Variants in XKR9 observed in about 807,000 individuals in gnomAD.
The protein encoded by XKR9 is XK-related protein 9.
In XKR9, 32 loss-of-function variants were observed where a neutral mutation model predicts 32.0. That is an observed-to-expected ratio of 1.00 (90% CI 0.76 to 1.34). The LOEUF (loss-of-function observed/expected upper bound fraction) is 1.34. Among genes scored for constraint, XKR9 ranks in the 40% most tolerant of loss-of-function variants. The pLI, the probability that XKR9 is intolerant of heterozygous loss-of-function variation, is 0.00. For missense variants in XKR9, 546 were observed against 429.7 expected, an observed-to-expected ratio of 1.27 and a Z score of -2.39; for synonymous variants, 168 against 143.4, an observed-to-expected ratio of 1.17 and a Z score of -1.22.
chr8:70,758,874 G>A (rs1807266854), intron 2 of XKR9, among the ~76,000 whole-genome samples: 1 of 152,124 alleles, frequency 6.6e-6, no homozygotes, highest in African/African-American at 2.4e-5. Flanking sequence ...TACCATACTG[G>A]CCCTTTACAT....
the XKR9 span, among the ~76,000 whole-genome samples, chr8:70,957,005 C>G: frequency 6.6e-6 from 1 of 152,200 alleles, no homozygotes; most frequent in East Asian, 1.9e-4. Context: ...GTTCCCTGCC[C>G]CCATTGGTTC....
chr8:71,041,716 G>A, the XKR9 span, among the ~76,000 whole-genome samples: 15 of 152,046 alleles, frequency 9.9e-5, no homozygotes, highest in African/African-American at 3.6e-4. Flanking sequence ...AAAAGTGTCA[G>A]TTTCCCTGGA....
In XKR9 at chr8:70,776,945, C is replaced by CTATATATATATATA. The variant is rs1393735829; in HGVS notation, n.353-12393_353-12392insATATATATATATAT. Among the ~76,000 whole-genome samples, 9 of 62,516 alleles carry CTATATATATATATA rather than the reference C, an allele frequency of 1.4e-4. No homozygotes were observed. In the East Asian group the frequency reaches 2.4e-3, roughly 16 times the overall value. The allele number at this position is 62,516 out of a possible 152,430, so 41.0% of individuals were successfully genotyped here. ...TCTTTCTCTCTCTCTCTCTCTCTCT[C>CTATATATATATATA]TCTATATATATATATATATGTATGT... On this transcript the variant is annotated intron_variant and non_coding_transcript_variant, in intron 2 of 3. Coordinates refer to the XKR9 transcript ENST00000520273.
At chr8:70,885,992 C>T in the XKR9 span, among the ~76,000 whole-genome samples, 2 of 152,080 alleles carry the variant, frequency 1.3e-5, 1 homozygote, top group South Asian at 4.1e-4. Flanking sequence ...CTGCACCCGT[C>T]AACCCATCAC....
At chr8:70,982,871 C>CA in the XKR9 span, among the ~76,000 whole-genome samples, 1 of 152,160 alleles carries the variant, frequency 6.6e-6, no homozygotes, top group Non-Finnish European at 1.5e-5. Flanking sequence ...GTTTTGAGAA[C>CA]ATTTTCTAAG....
chr8:70,878,785 C>G, the XKR9 span, among the ~76,000 whole-genome samples: 16 of 152,246 alleles, frequency 1.1e-4, no homozygotes, highest in African/African-American at 2.9e-4. Flanking sequence ...GAATTGAACT[C>G]AACTCTGCAC....
downstream of XKR9, chr8:70,790,466 C>G (rs1296420982): frequency 6.6e-6 from 1 of 151,928 alleles, no homozygotes; most frequent in Non-Finnish European, 1.5e-5. Flanking sequence ...GAGTTCATAC[C>G]TTGAAATGCT....
At chr8:71,036,996 G>C in the XKR9 span, among the ~76,000 whole-genome samples, 18 of 151,552 alleles carry the variant, frequency 1.2e-4, no homozygotes, top group Admixed American at 2.0e-4. Context: ...TTCTAGGCAT[G>C]AGCCACCACG....
chr8:71,000,199 G>A, the XKR9 span, among the ~76,000 whole-genome samples: 1 of 152,196 alleles, frequency 6.6e-6, no homozygotes, highest in Admixed American at 6.5e-5. Flanking sequence ...AAGCTCTAGA[G>A]ACAAAATGAT....
At chr8:71,064,812 A>T in the XKR9 span, among the ~76,000 whole-genome samples, 1 of 152,150 alleles carries the variant, frequency 6.6e-6, no homozygotes, top group African/African-American at 2.4e-5. Flanking sequence ...AAGAATTGCA[A>T]TATTAGACTT....
chr8:70,746,751 G>A (rs1045719028), intron 2 of XKR9, among the ~76,000 whole-genome samples: 1 of 151,416 alleles, frequency 6.6e-6, no homozygotes, highest in Non-Finnish European at 1.5e-5. Context: ...CCCCAATATG[G>A]CAGTATTGAG....
At chr8:70,897,755 C>G in the XKR9 span, among the ~76,000 whole-genome samples, 1 of 151,960 alleles carries the variant, frequency 6.6e-6, no homozygotes, top group African/African-American at 2.4e-5. Flanking sequence ...GTTGTTTGAG[C>G]TATTCTGGTT....
chr8:71,033,374 G>T, the XKR9 span, among the ~76,000 whole-genome samples: 1 of 152,126 alleles, frequency 6.6e-6, no homozygotes, highest in Non-Finnish European at 1.5e-5. Context: ...GATAGTCCTA[G>T]GAATTCATAG....
Position 70,734,048 on chromosome 8 carries a change from A to G in XKR9, c.746A>G (p.Asn249Ser), listed in dbSNP as rs573976291. 5.6e-5 allele frequency: 91 copies of G among 1,613,442 alleles called. No individual in the cohort carries two copies. In the South Asian group the frequency reaches 9.0e-4, roughly 16 times the overall value. The change falls in exon 5 of 5, where the codon AAC becomes AGC. Residue 249 changes from asparagine to serine, a missense_variant. By Grantham distance (46) the Asn-to-Ser change is conservative (BLOSUM62 1). Transcript: ENST00000408926. ...TTAGGTATAATATGGGCATTTAAAA[A>G]CAACACCCAGTTTTGTACTTGTATA... ...WLLGIIWAFK[N>S]NTQFCTCISM...
intron 3 of XKR9, 69 bp from the exon 4 acceptor site, chr8:70,706,863 AT>A (rs1554547779): frequency 8.5e-7 from 1 of 1,174,864 alleles, no homozygotes. Context: ...TTTCCAAATT[AT>A]TATGTGTATT....
chr8:70,835,522 A>G, the XKR9 span, among the ~76,000 whole-genome samples: 7 of 152,198 alleles, frequency 4.6e-5, no homozygotes, highest in South Asian at 1.0e-3. Context: ...ATGAATAACA[A>G]TAAAAACCTG....
At chr8:70,829,059 A>G in the XKR9 span, among the ~76,000 whole-genome samples, 2 of 152,232 alleles carry the variant, frequency 1.3e-5, no homozygotes, top group African/African-American at 2.4e-5. Context: ...TAAGTGGCCC[A>G]TATGACATTT....
intron 4 of XKR9, among the ~76,000 whole-genome samples, chr8:70,729,863 A>G (rs1207800595): frequency 6.6e-6 from 1 of 152,220 alleles, no homozygotes; most frequent in Non-Finnish European, 1.5e-5. Context: ...TATGATTTTT[A>G]TACCAGATAA....
intron 2 of XKR9, among the ~76,000 whole-genome samples, chr8:70,680,428 C>T (rs998276945): frequency 3.3e-5 from 5 of 152,024 alleles, no homozygotes; most frequent in African/African-American, 7.2e-5. Flanking sequence ...ACTATTGCAC[C>T]TTTGTTACAT....
Sources: allele counts gnomAD v4.1 joint callset (sites outside exome capture counted in the v4.1 genomes callset), GRCh38; gene constraint gnomAD v4.1.1; transcripts MANE v1.5; gene names NCBI Gene and HGNC (gene_info 2026-07-23, HGNC 2026-07-21).